Variants in EBF2 observed in about 807,000 individuals in gnomAD.
EBF2 encodes EBF transcription factor 2.
EBF2 carries 21 observed loss-of-function variants against 72.8 expected under a neutral mutation model. That is an observed-to-expected ratio of 0.29 (90% CI 0.20 to 0.42). EBF2 has a LOEUF of 0.42. Ranked by LOEUF, EBF2 falls within the 10% of genes least tolerant of loss-of-function variation. EBF2 has a pLI of 1.00. For synonymous variants in EBF2, 299 were observed against 274.2 expected (o/e 1.09, Z -0.89); for missense variants, 637 against 731.2 (o/e 0.87, Z 1.49).
intron 6 of EBF2, among the ~76,000 whole-genome samples, chr8:25,981,582 G>C (rs771577484): frequency 6.6e-6 from 1 of 152,098 alleles, no homozygotes; most frequent in African/African-American, 2.4e-5. Flanking sequence ...GATCACCTGA[G>C]GTCAGGAGTT....
At chr8:25,932,097 G>A (rs1803491515) in intron 6 of EBF2, among the ~76,000 whole-genome samples, 2 of 152,114 alleles carry the variant, frequency 1.3e-5, no homozygotes, top group African/African-American at 2.4e-5. Context: ...GGGGGAAAAT[G>A]TATGATGTAG....
At chr8:26,039,778 C>A (rs1260070508) in intron 5 of EBF2, among the ~76,000 whole-genome samples, 1 of 152,244 alleles carries the variant, frequency 6.6e-6, no homozygotes, top group Non-Finnish European at 1.5e-5. Flanking sequence ...AGACTTTCCA[C>A]GTAGCCGGAG....
At chr8:25,905,207 C>T (rs899518545) in intron 7 of EBF2, among the ~76,000 whole-genome samples, 9 of 152,070 alleles carry the variant, frequency 5.9e-5, no homozygotes, top group African/African-American at 1.7e-4. Context: ...CAAGTGTTGG[C>T]GAGGAATTGA....
intron 6 of EBF2, among the ~76,000 whole-genome samples, chr8:26,005,542 T>A (rs1391903275): frequency 6.0e-4 from 24 of 40,210 alleles, no homozygotes; most frequent in Non-Finnish European, 9.5e-4. Context: ...TATATATATT[T>A]TATATATATA....
intron 7 of EBF2, among the ~76,000 whole-genome samples, chr8:25,899,798 G>A (rs190810780): frequency 2.0e-5 from 3 of 152,204 alleles, no homozygotes; most frequent in Admixed American, 1.3e-4. Context: ...TCGTTCTTCT[G>A]CAGTTGTCGC....
At chr8:25,905,565 A>G (rs1459967866) in intron 7 of EBF2, among the ~76,000 whole-genome samples, 1 of 152,228 alleles carries the variant, frequency 6.6e-6, no homozygotes, top group Non-Finnish European at 1.5e-5. Context: ...ACATTATGCT[A>G]ACAGACAAAA....
chr8:25,898,362 C>A (rs78081232), intron 7 of EBF2, among the ~76,000 whole-genome samples: 1 of 151,816 alleles, frequency 6.6e-6, no homozygotes, highest in South Asian at 2.1e-4. Context: ...AAGAGCTCTC[C>A]GTTGGTGTAT....
intron 1 of EBF2, 88 bp from the exon 2 acceptor site, chr8:26,042,339 T>C (rs1483253961): frequency 1.4e-5 from 20 of 1,466,614 alleles, no homozygotes; most frequent in Non-Finnish European, 1.8e-5. Context: ...TGCAGAGGGG[T>C]AAGGGGTCCA....
intron 1 of EBF2, among the ~76,000 whole-genome samples, 158 bp from the exon 2 acceptor site, chr8:26,042,409 G>T (rs1217696818): frequency 6.6e-6 from 1 of 152,162 alleles, no homozygotes; most frequent in African/African-American, 2.4e-5. Context: ...ATAAGGAAGA[G>T]GAGACTCCTT....
At chr8:25,901,190 G>A (rs540496257) in intron 7 of EBF2, among the ~76,000 whole-genome samples, 1 of 152,094 alleles carries the variant, frequency 6.6e-6, no homozygotes, top group Non-Finnish European at 1.5e-5. Flanking sequence ...GGTTGAGACG[G>A]GTGGGTGAAT....
At chr8:26,022,486 C>G (rs1356045002) in intron 6 of EBF2, among the ~76,000 whole-genome samples, 1 of 152,214 alleles carries the variant, frequency 6.6e-6, no homozygotes, top group Admixed American at 6.5e-5. Flanking sequence ...ATAGCCCCAG[C>G]CCTCATCTCA....
chr8:25,991,377 C>T (rs569309365), intron 6 of EBF2, among the ~76,000 whole-genome samples: 10 of 152,338 alleles, frequency 6.6e-5, no homozygotes, highest in African/African-American at 2.2e-4. Flanking sequence ...CTAATCAGAA[C>T]CACCACCTAT....
intron 6 of EBF2, among the ~76,000 whole-genome samples, chr8:25,957,505 T>C (rs1264773026): frequency 6.6e-6 from 1 of 152,120 alleles, no homozygotes; most frequent in Non-Finnish European, 1.5e-5. Context: ...CCACTGCCTG[T>C]GGAGCAACAG....
intron 6 of EBF2, chr8:26,031,904 A>G (rs1270456951): frequency 6.6e-6 from 1 of 152,168 alleles, no homozygotes; most frequent in African/African-American, 2.4e-5. Context: ...TGTACTTTCA[A>G]AAAAGACCAG....
At chr8:26,028,174 C>T (rs984026645) in intron 6 of EBF2, among the ~76,000 whole-genome samples, 5 of 152,088 alleles carry the variant, frequency 3.3e-5, no homozygotes, top group African/African-American at 1.2e-4. Context: ...GTCAGGAGAA[C>T]CCTTCATGGG....
chr8:25,909,172 A>G (rs1415759749), intron 6 of EBF2, among the ~76,000 whole-genome samples: 4 of 152,212 alleles, frequency 2.6e-5, no homozygotes, highest in African/African-American at 9.6e-5. Flanking sequence ...ACATGAAAGC[A>G]CAGAATCATG....
intron 6 of EBF2, among the ~76,000 whole-genome samples, chr8:25,988,747 A>G (rs945636409): frequency 6.6e-6 from 1 of 152,222 alleles, no homozygotes; most frequent in Non-Finnish European, 1.5e-5. Context: ...ACCATCCTCC[A>G]GCATTCACAA....
chr8:25,879,206 A>C (rs1802567790), intron 10 of EBF2, among the ~76,000 whole-genome samples: 1 of 152,074 alleles, frequency 6.6e-6, no homozygotes, highest in Non-Finnish European at 1.5e-5. Context: ...CTCCTTTAAA[A>C]CCCATATCAC....
chr8:25,876,835 A>C (rs1379261881), intron 10 of EBF2, among the ~76,000 whole-genome samples: 5 of 152,196 alleles, frequency 3.3e-5, no homozygotes, highest in Non-Finnish European at 7.3e-5. Context: ...TGAGATCCTC[A>C]TAGAACTGTC....
Sources: allele counts gnomAD v4.1 joint callset (sites outside exome capture counted in the v4.1 genomes callset), GRCh38; gene constraint gnomAD v4.1.1; transcripts MANE v1.5; gene names NCBI Gene and HGNC (gene_info 2026-07-23, HGNC 2026-07-21).